RGS7: variants seen among roughly 807,000 people sequenced by gnomAD.
The protein encoded by RGS7 is regulator of G-protein signaling 7.
Under a neutral mutation model 81.1 loss-of-function variants are expected in RGS7, and 27 were observed. That is an observed-to-expected ratio of 0.33 (90% CI 0.25 to 0.46). The LOEUF (loss-of-function observed/expected upper bound fraction) is 0.46. Ranked by LOEUF, RGS7 falls within the 20% of genes least tolerant of loss-of-function variation. The pLI, the probability that RGS7 is intolerant of heterozygous loss-of-function variation, is 1.00. For synonymous variants in RGS7, 208 were observed against 207.7 expected (o/e 1.00, Z -0.01); for missense variants, 396 against 607.4 (o/e 0.65, Z 3.66).
intron 2 of RGS7, among the ~76,000 whole-genome samples, chr1:241,327,928 T>C (rs1473161004): frequency 6.6e-6 from 1 of 152,200 alleles, no homozygotes; most frequent in Non-Finnish European, 1.5e-5. Context: ...GTACAGACTG[T>C]AAAATAAAGT....
intron 2 of RGS7, among the ~76,000 whole-genome samples, chr1:241,353,345 A>C (rs2083363887): frequency 6.6e-6 from 1 of 152,268 alleles, no homozygotes; most frequent in Non-Finnish European, 1.5e-5. Flanking sequence ...AAAAAATAGA[A>C]GCATAATGGA....
At chr1:240,807,940 C>T (rs960775748) in intron 14 of RGS7, among the ~76,000 whole-genome samples, 2 of 149,872 alleles carry the variant, frequency 1.3e-5, no homozygotes, top group South Asian at 4.2e-4. Flanking sequence ...GAGGCTGAGG[C>T]ACGAGAATCG....
At chr1:241,037,516 C>T (rs868777184) in intron 3 of RGS7, among the ~76,000 whole-genome samples, 29 of 151,986 alleles carry the variant, frequency 1.9e-4, no homozygotes, top group African/African-American at 7.0e-4. Context: ...GTCAGGAGTT[C>T]GAGAGCAGCC....
At chr1:240,846,003 T>G (rs1024993403) in intron 9 of RGS7, among the ~76,000 whole-genome samples, 1 of 152,196 alleles carries the variant, frequency 6.6e-6, no homozygotes, top group African/African-American at 2.4e-5. Context: ...TAAGTCAGTA[T>G]GTATTTAATG....
At chr1:240,899,320 T>C (rs1168300119) in intron 6 of RGS7, among the ~76,000 whole-genome samples, 1 of 152,228 alleles carries the variant, frequency 6.6e-6, no homozygotes, top group East Asian at 1.9e-4. Flanking sequence ...AATTTGATCC[T>C]GTCATTATGA....
At chr1:241,328,474 T>C (rs997730491) in intron 2 of RGS7, among the ~76,000 whole-genome samples, 2 of 152,230 alleles carry the variant, frequency 1.3e-5, no homozygotes, top group Non-Finnish European at 2.9e-5. Flanking sequence ...TTCATATCTG[T>C]CCTAGTGGAC....
intron 6 of RGS7, among the ~76,000 whole-genome samples, chr1:240,895,284 CTTT>C (rs1668882965): frequency 8.7e-6 from 1 of 114,864 alleles, no homozygotes; most frequent in Non-Finnish European, 2.0e-5. Flanking sequence ...TTCTTTCTTT[CTTT>C]TTTCTTTCTT....
chr1:241,262,364 A>C (rs2077381187), intron 2 of RGS7, among the ~76,000 whole-genome samples: 1 of 152,222 alleles, frequency 6.6e-6, no homozygotes, highest in Non-Finnish European at 1.5e-5. Flanking sequence ...TCTCACTGTC[A>C]ATCAAGTAAA....
chr1:240,838,097 C>T (rs1279558777), intron 9 of RGS7, among the ~76,000 whole-genome samples: 1 of 152,162 alleles, frequency 6.6e-6, no homozygotes, highest in Non-Finnish European at 1.5e-5. Context: ...TACCATAAAC[C>T]AGGTGGCTTA....
intron 6 of RGS7, among the ~76,000 whole-genome samples, chr1:240,918,316 C>T (rs1006274790): frequency 1.3e-5 from 2 of 152,108 alleles, no homozygotes; most frequent in African/African-American, 2.4e-5. Flanking sequence ...ATCTCAAGTT[C>T]TCATGACATG....
chr1:241,184,953 A>G (rs973883283), intron 2 of RGS7, among the ~76,000 whole-genome samples: 2 of 152,002 alleles, frequency 1.3e-5, no homozygotes, highest in African/African-American at 4.8e-5. Context: ...TGAATTGGAC[A>G]TTCTTAAGCA....
chr1:241,153,876 G>C (rs1195013674), intron 2 of RGS7, among the ~76,000 whole-genome samples: 3 of 152,226 alleles, frequency 2.0e-5, no homozygotes, highest in African/African-American at 7.2e-5. Context: ...GTTTGAACGT[G>C]AGGAGGATGG....
intron 4 of RGS7, among the ~76,000 whole-genome samples, chr1:240,973,469 C>T (rs1683569245): frequency 6.6e-6 from 1 of 151,678 alleles, no homozygotes; most frequent in Non-Finnish European, 1.5e-5. Context: ...GAGATCACGC[C>T]ACTGCACTCT....
intron 2 of RGS7, among the ~76,000 whole-genome samples, chr1:241,267,925 T>G (rs1049759777): frequency 6.6e-6 from 1 of 152,242 alleles, no homozygotes; most frequent in Non-Finnish European, 1.5e-5. Context: ...AGTTGGTTTA[T>G]TTTAGAATAT....
At chr1:241,140,286 G>C (rs1183728145) in intron 2 of RGS7, among the ~76,000 whole-genome samples, 1 of 152,284 alleles carries the variant, frequency 6.6e-6, no homozygotes, top group African/African-American at 2.4e-5. Flanking sequence ...ACACTTGAAA[G>C]CTCCTACCAG....
At chr1:240,930,825 T>C in intron 5 of RGS7, 57 bp from the exon 6 acceptor site, 1 of 1,502,820 alleles carries the variant, frequency 6.7e-7, no homozygotes, top group Non-Finnish European at 9.3e-7. Flanking sequence ...TAGTGGAGTT[T>C]CTGGCCAGTG....
chr1:240,905,776 T>C (rs2148220905), intron 6 of RGS7, among the ~76,000 whole-genome samples: 1 of 152,288 alleles, frequency 6.6e-6, no homozygotes, highest in East Asian at 1.9e-4. Flanking sequence ...GGGTAAAGTT[T>C]GTTTTTGGAC....
intron 16 of RGS7, among the ~76,000 whole-genome samples, chr1:240,801,882 T>C (rs1688080464): frequency 6.6e-6 from 1 of 152,162 alleles, no homozygotes. Context: ...AAAATTCCTA[T>C]TGACAACATC....
At chr1:241,312,792 A>C (rs2080626346) in intron 2 of RGS7, among the ~76,000 whole-genome samples, 1 of 152,214 alleles carries the variant, frequency 6.6e-6, no homozygotes, top group African/African-American at 2.4e-5. Flanking sequence ...TGGAATCAAA[A>C]GCCAGAAGCA....
Sources: allele counts gnomAD v4.1 joint callset (sites outside exome capture counted in the v4.1 genomes callset), GRCh38; gene constraint gnomAD v4.1.1; transcripts MANE v1.5; gene names NCBI Gene and HGNC (gene_info 2026-07-23, HGNC 2026-07-21).